The following NEB variants were observed in gnomAD, a reference collection of about 807,000 sequenced individuals.
The protein encoded by NEB is nebulin, also known as nemaline myopathy type 2.
A neutral mutation model predicts 952.2 loss-of-function variants in NEB; 512 were observed. The observed-to-expected ratio is 0.54, with a 90% CI of 0.50 to 0.58. The LOEUF is 0.58. Ranked by LOEUF, NEB falls within the 20% of genes least tolerant of loss-of-function variation. NEB has a pLI of 0.00. For synonymous variants in NEB, 2,900 were observed against 3,149.8 expected (o/e 0.92, Z 2.66); for missense variants, 8,428 against 9,231.1 (o/e 0.91, Z 3.56).
At chr2:151,576,062 T>A in intron 106 of NEB, 89 bp downstream of exon 106, 1 of 1,077,866 alleles carries the variant, frequency 9.3e-7, no homozygotes, top group Non-Finnish European at 1.3e-6. Context: ...TTAATAAAGT[T>A]TTTATTATTC....
Position 151,710,441 on chromosome 2 carries a change from A to G in NEB, c.920T>C (p.Ile307Thr). The G allele has an allele frequency of 3.1e-6, 5 of 1,609,982 alleles. No homozygotes were observed. Among genetic ancestry groups the G allele is most frequent in the Non-Finnish European group, 4.2e-6 (5 of 1,176,586 alleles). ...CATCCCTTCCCACTTAACTGTGCTA[A>G]TGTTATCAGCATTCATTCTGGCATT... ...VANARMNADN[I>T]STRKYQEDFE... Residue 307 changes from isoleucine (I) to threonine (T), a missense_variant, in exon 11 of 182, where the codon ATT becomes ACT. This residue lies in a region of NEB where 2,851 missense variants were observed against 2,791.5 expected (regional missense o/e 1.02). Coordinates refer to ENST00000397345, the MANE Select transcript of NEB (RefSeq NM_001164508.2).
At position 151,665,551 on chromosome 2, in the gene NEB, G is replaced by A. The variant is rs1559011189; in HGVS notation, c.5032-12C>T. ...GATTTGTACAGATTCTTTACAATGA[G>A]AAAAAAAATTTCATTTCAGAAAGAG... is the stretch of plus-strand genomic sequence containing the variant. On this transcript the variant is annotated splice_polypyrimidine_tract_variant and intron_variant, in intron 41 of 181. Transcript: ENST00000397345. 3.2e-6 allele frequency: 5 copies of A among 1,542,110 alleles called. No homozygotes were observed. In the Admixed American group the frequency reaches 6.2e-5, roughly 19 times the overall value.
Position 151,546,368 on chromosome 2 carries a change from AGC to A in NEB, c.20441_20442del (p.Arg6814LeufsTer10). The A allele has an allele frequency of 6.2e-7, 1 of 1,612,992 alleles. No individual in the cohort carries two copies. The highest frequency in any genetic ancestry group is 8.5e-7 in the Non-Finnish European group (1 of 1,179,394). Reference sequence around the variant, plus strand: ...ACCCAGAGCTTCCGCAGGTGCCGGGAGCGGACCATGTCAGGAGTGTCATACAG... The same window carrying A: ...ACCCAGAGCTTCCGCAGGTGCCGGGAGGACCATGTCAGGAGTGTCATACAG... ...CFLYDTPDMV[R>X]SRHLRKLWSN... On this transcript the variant is annotated frameshift_variant, in exon 134 of 182. Coordinates refer to ENST00000397345, the MANE Select transcript of NEB (RefSeq NM_001164508.2). LOFTEE classifies it high-confidence loss of function.
chr2:151,496,895 G>T, intron 172 of NEB, 46 bp downstream of exon 172: 1 of 1,482,550 alleles, frequency 6.7e-7, no homozygotes, highest in Non-Finnish European at 9.2e-7. Context: ...TCATGAAATA[G>T]TTTTTAAAAT....
chr2:151,487,194 C>A (rs2051411336), intron 181 of NEB, among the ~76,000 whole-genome samples: 1 of 152,150 alleles, frequency 6.6e-6, no homozygotes, highest in South Asian at 2.1e-4. Context: ...TATTGCATGT[C>A]ATCTTTCACT....
At chr2:151,507,773 T>A (rs1455397606) in intron 162 of NEB, 2 of 484,354 alleles carry the variant, frequency 4.1e-6, no homozygotes, top group African/African-American at 3.8e-5. Context: ...AAAGATACTA[T>A]ATTTTCTCCC....
At position 151,650,797 on chromosome 2, in the gene NEB, A is replaced by G. The variant is rs769646337; in HGVS notation, c.7004T>C (p.Met2335Thr). 7 of 1,613,886 alleles carry G rather than the reference A, an allele frequency of 4.3e-6. No homozygotes were observed. Among genetic ancestry groups the G allele is most frequent in the Non-Finnish European group, 5.9e-6 (7 of 1,179,852 alleles). Residue 2335 changes from methionine to threonine, a missense_variant, in exon 53 of 182, where the codon ATG becomes ACG. Met to Thr is a moderately conservative substitution (Grantham distance 81, BLOSUM62 -1). Coordinates refer to ENST00000397345, the MANE Select transcript of NEB (RefSeq NM_001164508.2). The stretch of plus-strand genomic sequence containing the variant: ...TTCACTCTGCATTTTGGCTACATTC[A>G]TGGACAACACAAGTTTTGGGTCATC... ...LQDDPKLVLS[M>T]NVAKMQSERE...
chr2:151,493,284 G>A (rs115730804), intron 176 of NEB, 69 bp downstream of exon 176: 36,646 of 1,164,326 alleles, frequency 0.031, 1,320 homozygotes, highest in East Asian at 0.14. Flanking sequence ...TGAGAAAGGC[G>A]TGTTTTTATG....
intron 9 of NEB, among the ~76,000 whole-genome samples, chr2:151,717,922 C>T (rs1355508575): frequency 2.0e-5 from 3 of 150,362 alleles, no homozygotes; most frequent in Non-Finnish European, 3.0e-5. Context: ...AGCGCGATCT[C>T]GGCTCACTGC....
intron 130 of NEB, among the ~76,000 whole-genome samples, chr2:151,548,833 G>GTGAC (rs1178230417): frequency 6.6e-6 from 1 of 152,154 alleles, no homozygotes; most frequent in Non-Finnish European, 1.5e-5. Context: ...TATTAAATCT[G>GTGAC]TGACTGTCTA....
rs894867682 is a variant in NEB at position 151,490,180 on chromosome 2, G to GATTT, written c.25298-107_25298-104dup. 14 of 1,195,762 alleles carry GATTT rather than the reference G, an allele frequency of 1.2e-5. No individual in the cohort carries two copies. The African/African-American group carries it at 1.8e-4, about 16-fold the overall frequency. The allele number at this position is 1,195,762 out of a possible 1,614,324, so 74.1% of individuals were successfully genotyped here. The stretch of plus-strand genomic sequence containing the variant: ...ATGTCTTTTTCCCCCAACTTAGAAT[G>GATTT]ATTTCCAAAAAGAGAAATCAAAGAA... On this transcript the variant is annotated intron_variant, in intron 180 of 181. Transcript: ENST00000397345.
Position 151,524,381 on chromosome 2 carries a change from C to T in NEB, c.22409G>A (p.Ser7470Asn). ...GCGACCGAGCATGCTTAAGCCATGGCTGCCTTCCTTGCGGTGCTTGGCTCT... is the reference window on the plus strand; with the variant it reads ...GCGACCGAGCATGCTTAAGCCATGGTTGCCTTCCTTGCGGTGCTTGGCTCT... ...EYRAKHRKEG[S>N]HGLSMLGRPD... Residue 7470 changes from serine (S) to asparagine (N), a missense_variant, in exon 153 of 182, where the codon AGC becomes AAC. Coordinates refer to ENST00000397345, the MANE Select transcript of NEB (RefSeq NM_001164508.2). 1 of 1,613,974 alleles carries T rather than the reference C, an allele frequency of 6.2e-7. No homozygotes were observed. The highest frequency in any genetic ancestry group is 8.5e-7 in the Non-Finnish European group (1 of 1,179,878).
chr2:151,568,263 A>G, intron 112 of NEB, 53 bp downstream of exon 112: 2 of 1,595,310 alleles, frequency 1.3e-6, no homozygotes, highest in South Asian at 1.1e-5. Context: ...CTACAGTTCC[A>G]TTAAGGCCCT....
At chr2:151,695,847 G>T (rs144085789) in intron 17 of NEB, among the ~76,000 whole-genome samples, 165 bp from the exon 18 acceptor site, 25 of 152,298 alleles carry the variant, frequency 1.6e-4, no homozygotes, top group African/African-American at 6.0e-4. Context: ...CAGGACACTT[G>T]GCAGCTATTA....
At position 151,677,560 on chromosome 2, in the gene NEB, C is replaced by T; in HGVS notation, c.3774+5G>A. ...CCTCTGTCCTCTCTATTTTATTGTA[C>T]TCACATCACTGACTTGCTTCGTGTT... is the stretch of plus-strand genomic sequence containing the variant. On this transcript the variant is annotated splice_donor_5th_base_variant and intron_variant, in intron 34 of 181. Coordinates refer to ENST00000397345, the MANE Select transcript of NEB (RefSeq NM_001164508.2). 2.5e-6 allele frequency: 4 copies of T among 1,609,596 alleles called. No individual in the cohort carries two copies. The highest frequency in any genetic ancestry group is 1.7e-6 in the Non-Finnish European group (2 of 1,176,542).
rs556225404 is a variant in NEB at position 151,728,571 on chromosome 2, A to G, written c.79-665T>C. The stretch of plus-strand genomic sequence containing the variant: ...AATAATGATGACAACATAATGGGGT[A>G]ATTATCCTCACAACAGTCCTATCTA... On this transcript the variant is annotated intron_variant, in intron 4 of 181. Coordinates refer to ENST00000397345, the MANE Select transcript of NEB (RefSeq NM_001164508.2). Among the ~76,000 whole-genome samples, 8 of 152,332 alleles carry G rather than the reference A, an allele frequency of 5.3e-5. No individual in the cohort carries two copies. In the South Asian group the frequency reaches 1.7e-3, roughly 32 times the overall value.
chr2:151,631,013 T>C lies in NEB; in HGVS notation c.9618+130A>G, dbSNP rs185967154. 2.4e-3 allele frequency: 3,157 copies of C among 1,332,536 alleles called. 10 individuals are homozygous for C. Among genetic ancestry groups the C allele is most frequent in the Middle Eastern group, 5.9e-3 (23 of 3,902 alleles). The allele number at this position is 1,332,536 out of a possible 1,614,324, so 82.5% of individuals were successfully genotyped here. ...GGAATAATCAAAATTATTTAGAGGATTTCAAGCATGTAATTTAAAAGGTAA... is the reference window on the plus strand; with the variant it reads ...GGAATAATCAAAATTATTTAGAGGACTTCAAGCATGTAATTTAAAAGGTAA... On this transcript the variant is annotated intron_variant, in intron 66 of 181. Coordinates refer to ENST00000397345, the MANE Select transcript of NEB (RefSeq NM_001164508.2).
intron 20 of NEB, 72 bp from the exon 21 acceptor site, chr2:151,692,434 C>A (rs1399759690): frequency 2.5e-6 from 3 of 1,206,632 alleles, no homozygotes; most frequent in African/African-American, 1.5e-5. Context: ...TCATTCATGT[C>A]TTTGCTGCAC....
In NEB at chr2:151,513,597, T is replaced by C; in HGVS notation, c.23224A>G (p.Thr7742Ala). Residue 7742 changes from threonine to alanine, a missense_variant, in exon 160 of 182, where the codon ACT becomes GCT. Physicochemically the swap from Thr to Ala is moderately conservative, Grantham distance 58 (BLOSUM62 0). Transcript: ENST00000397345. ...TPDFMRARNA[T>A]DIASQIKYKQ... ...GCACTGACCTGACTGGCAATATCAG[T>C]AGCATTCCTGGCCCTCATAAAATCC... is the stretch of plus-strand genomic sequence containing the variant. 1 of 1,607,484 alleles carries C rather than the reference T, an allele frequency of 6.2e-7. No individual in the cohort carries two copies. Among genetic ancestry groups the C allele is most frequent in the African/African-American group, 1.3e-5 (1 of 74,994 alleles).
Sources: allele counts gnomAD v4.1 joint callset (sites outside exome capture counted in the v4.1 genomes callset), GRCh38; gene constraint gnomAD v4.1.1; regional missense constraint gnomAD v4.1.1; transcripts MANE v1.5; gene names NCBI Gene and HGNC (gene_info 2026-07-23, HGNC 2026-07-21).